ZMYM6: variants seen among roughly 807,000 people sequenced by gnomAD.
ZMYM6 encodes zinc finger MYM-type protein 6.
Under a neutral mutation model 134.0 loss-of-function variants are expected in ZMYM6, and 90 were observed. That is an observed-to-expected ratio of 0.67 (90% confidence interval 0.57 to 0.80). The LOEUF is 0.80. Among genes scored for constraint, ZMYM6 ranks in the 30% least tolerant of loss-of-function variants. ZMYM6 has a pLI of 0.00. For missense variants in ZMYM6, 1,362 were observed against 1,533.9 expected (o/e 0.89, Z 1.87); for synonymous variants, 481 against 524.1 (o/e 0.92, Z 1.12).
rs1299294596 is a variant in ZMYM6 at position 34,987,368 on chromosome 1, T to C, written c.3714A>G (p.Leu1238=). 7 of 1,614,080 alleles carry C rather than the reference T, an allele frequency of 4.3e-6. No individual in the cohort carries two copies. The highest frequency in any genetic ancestry group is 2.7e-5 in the African/African-American group (2 of 75,082). The change falls in exon 16 of 16, where the codon CTA becomes CTG. Residue 1238 remains leucine (L), a synonymous_variant. Transcript: ENST00000357182. ...GTGCTTGTAATCCTAAATCTGAAGA[T>C]AGCTCTGTTAGCTTTTCTTCTTCGA... ...TDFEEEKLTE[L]SSDLGLQALF...
intron 4 of ZMYM6, among the ~76,000 whole-genome samples, chr1:35,016,164 TG>T (rs1275152770): frequency 6.6e-6 from 1 of 152,098 alleles, no homozygotes; most frequent in Non-Finnish European, 1.5e-5. Flanking sequence ...TTGGCCACGC[TG>T]GTCTCAAATT....
chr1:35,006,243 A>C (rs901755884), intron 12 of ZMYM6, among the ~76,000 whole-genome samples: 2 of 152,146 alleles, frequency 1.3e-5, no homozygotes, highest in Non-Finnish European at 2.9e-5. Context: ...CCTGGCCTCA[A>C]GTAATTTGCC....
chr1:35,016,650 C>T (rs1392307881), intron 4 of ZMYM6, among the ~76,000 whole-genome samples: 1 of 152,156 alleles, frequency 6.6e-6, no homozygotes, highest in African/African-American at 2.4e-5. Flanking sequence ...AAGCATTATT[C>T]TCTTTACTCA....
intron 4 of ZMYM6, chr1:35,017,646 T>G (rs1482883134): frequency 1.3e-5 from 2 of 152,224 alleles, no homozygotes. Flanking sequence ...GATAAACCCT[T>G]AGACTATTTT....
At chr1:35,011,832 G>T in intron 8 of ZMYM6, 58 bp downstream of exon 8, 1 of 1,225,252 alleles carries the variant, frequency 8.2e-7, no homozygotes, top group Non-Finnish European at 1.1e-6. Flanking sequence ...AGTTAACACT[G>T]TGCCACAGAT....
chr1:34,987,325 C>T lies in ZMYM6; in HGVS notation c.3757G>A (p.Val1253Ile). Residue 1253 changes from valine (V) to isoleucine (I), a missense_variant, in exon 16 of 16, where the codon GTA (valine) becomes ATA (isoleucine). Physicochemically the swap from Val to Ile is conservative, Grantham distance 29 (BLOSUM62 3). Transcript: ENST00000357182. Reference protein sequence around the residue: ...GLQALFKSVSVTQFWINAKTS... With the variant: ...GLQALFKSVSITQFWINAKTS... ...TTTGCATTTATCCAAAACTGAGTTA[C>T]AGACACTGATTTAAATAGTGCTTGT... is the stretch of plus-strand genomic sequence containing the variant. 3.1e-6 allele frequency: 5 copies of T among 1,612,566 alleles called. No individual in the cohort carries two copies. Among genetic ancestry groups the T allele is most frequent in the Non-Finnish European group, 4.2e-6 (5 of 1,179,346 alleles).
chr1:35,019,997 C>T (rs1268003274), intron 3 of ZMYM6, among the ~76,000 whole-genome samples: 1 of 152,100 alleles, frequency 6.6e-6, no homozygotes, highest in Non-Finnish European at 1.5e-5. Flanking sequence ...GACAAATTCC[C>T]AATCTTGAAA....
intron 15 of ZMYM6, chr1:34,989,469 T>A (rs1640631138): frequency 6.5e-6 from 1 of 154,138 alleles, no homozygotes; most frequent in Non-Finnish European, 1.4e-5. Context: ...GCAAGAGGAT[T>A]GCCTGAGCCC....
intron 2 of ZMYM6, among the ~76,000 whole-genome samples, chr1:35,027,789 C>T (rs1641441460): frequency 6.6e-6 from 1 of 151,942 alleles, no homozygotes; most frequent in South Asian, 2.1e-4. Flanking sequence ...GGGTCAGATA[C>T]AAAAAATATT....
At chr1:35,023,354 G>A (rs943074774) in intron 2 of ZMYM6, among the ~76,000 whole-genome samples, 6 of 152,058 alleles carry the variant, frequency 3.9e-5, no homozygotes, top group Admixed American at 6.5e-5. Flanking sequence ...TGATCTGCCC[G>A]CCTTGGCCTC....
In ZMYM6 at chr1:34,987,109, C is replaced by CT; in HGVS notation, c.3972dup (p.Glu1325ArgfsTer21). 1 of 1,553,590 alleles carries CT rather than the reference C, an allele frequency of 6.4e-7. No homozygotes were observed. Among genetic ancestry groups the CT allele is most frequent in the Non-Finnish European group, 8.7e-7 (1 of 1,152,442 alleles). On this transcript the variant is annotated frameshift_variant, in exon 16 of 16. Coordinates refer to ENST00000357182, the MANE Select transcript of ZMYM6 (RefSeq NM_007167.4). LOFTEE classifies it high-confidence loss of function. ...GTTAAGCAATGTGCATATTGCTACT[C>CT]TTTCTCCTTCACTAATTTTTCTATC...
At chr1:35,013,127 T>A in intron 6 of ZMYM6, 1 of 858,420 alleles carries the variant, frequency 1.2e-6, no homozygotes, top group Non-Finnish European at 1.4e-6. Flanking sequence ...ACCATTTACA[T>A]AACCAATATT....
intron 4 of ZMYM6, chr1:35,017,094 A>G (rs1221955814): frequency 6.6e-6 from 1 of 152,214 alleles, no homozygotes; most frequent in African/African-American, 2.4e-5. Flanking sequence ...GAGAGGTTAA[A>G]TAGCTTGTCA....
At chr1:35,005,575 C>A (rs192763649) in intron 12 of ZMYM6, among the ~76,000 whole-genome samples, 5 of 142,552 alleles carry the variant, frequency 3.5e-5, no homozygotes, top group Admixed American at 1.4e-4. Context: ...ACAGGGGGAT[C>A]ACTTAAGCCC....
In ZMYM6 at chr1:34,987,973, A is replaced by C. The variant is rs777322302; in HGVS notation, c.3109T>G (p.Leu1037Val). 1 of 1,551,392 alleles carries C rather than the reference A, an allele frequency of 6.4e-7. No homozygotes were observed. The highest frequency in any genetic ancestry group is 1.4e-5 in the African/African-American group (1 of 73,158). ...HKILLQSAQILSFIKSNALNS... is the reference protein window; with the variant it reads ...HKILLQSAQIVSFIKSNALNS... The stretch of plus-strand genomic sequence containing the variant: ...AATGCATTGCTCTTTATAAAACTTA[A>C]AATTTGTGCTGACTGCAAAAGAATT... Residue 1037 changes from leucine to valine, a missense_variant, in exon 16 of 16, where the codon TTA becomes GTA. By Grantham distance (32) the Leu-to-Val change is conservative. This residue lies in a region of ZMYM6 where 824 missense variants were observed against 940.9 expected (regional missense o/e 0.88). Transcript: ENST00000357182.
At chr1:35,029,585 TATC>T (rs1239012755) in intron 2 of ZMYM6, among the ~76,000 whole-genome samples, 2 of 152,226 alleles carry the variant, frequency 1.3e-5, no homozygotes, top group African/African-American at 4.8e-5. Flanking sequence ...TTTTAATCAT[TATC>T]ATCATCACCA....
At chr1:34,989,312 TG>T (rs1640626554) in intron 15 of ZMYM6, 1 of 953,166 alleles carries the variant, frequency 1.0e-6, no homozygotes, top group Non-Finnish European at 1.2e-6. Flanking sequence ...CCAAGGTGGG[TG>T]GGTCACTTGA....
intron 6 of ZMYM6, chr1:35,013,163 G>C: frequency 1.3e-6 from 1 of 783,102 alleles, no homozygotes; most frequent in Non-Finnish European, 1.5e-6. Context: ...CTTACCATGA[G>C]TCAGGCCCCA....
chr1:35,015,203 C>T (rs1237372144), intron 4 of ZMYM6, 41 bp from the exon 5 acceptor site: 1 of 1,513,912 alleles, frequency 6.6e-7, no homozygotes, highest in Non-Finnish European at 8.9e-7. Flanking sequence ...ATGTATTCTT[C>T]ACAACTGTAA....
Sources: gnomAD v4.1 joint callset for allele counts (sites outside exome capture counted in the v4.1 genomes callset) on GRCh38, gnomAD v4.1.1 for gene constraint, gnomAD v4.1.1 regional missense constraint, MANE v1.5 for transcripts, NCBI Gene and HGNC (gene_info 2026-07-23, HGNC 2026-07-21) for gene names.